Variants in LY96 observed in about 807,000 individuals in gnomAD.
LY96 encodes lymphocyte antigen 96.
In LY96, 18 loss-of-function variants were observed where a neutral mutation model predicts 18.9. That is an observed-to-expected ratio of 0.95 (90% CI 0.66 to 1.41). The LOEUF (loss-of-function observed/expected upper bound fraction) is 1.41, where lower values mean the gene tolerates loss of function less well. Among genes scored for constraint, LY96 ranks in the 40% most tolerant of loss-of-function variants. The pLI is 0.00. For missense variants in LY96, 175 were observed against 182.4 expected (o/e 0.96, Z 0.23); for synonymous variants, 66 against 62.6 (o/e 1.06, Z -0.26).
In LY96 at chr8:74,002,071, CT is replaced by C. The variant is rs1563710835; in HGVS notation, c.113-2723del. Among the ~76,000 whole-genome samples, 4 of 31,518 alleles carry C rather than the reference CT, an allele frequency of 1.3e-4. 1 individual carries two copies. Among genetic ancestry groups the C allele is most frequent in the African/African-American group, 6.7e-4 (3 of 4,456 alleles). 20.7% of individuals were successfully genotyped at this position (31,518 alleles called of 152,430 possible). A position where few individuals can be genotyped will look rare whatever the true frequency, so the allele number is the denominator to read the frequency against. On this transcript the variant is annotated intron_variant, in intron 1 of 4. Transcript: ENST00000284818. ...CCTTCCTTCCTTCCTTCCTTCCTTC[CT>C]TCCTTTCTTTCTTTCTTTCTTTCTC...
intron 3 of LY96, among the ~76,000 whole-genome samples, chr8:74,012,323 G>T (rs896108811): frequency 6.6e-6 from 1 of 152,066 alleles, no homozygotes; most frequent in Non-Finnish European, 1.5e-5. Context: ...ATAAAATGTG[G>T]TATATTTACA....
the LY96 span, among the ~76,000 whole-genome samples, chr8:74,098,456 AC>A: frequency 3.9e-5 from 6 of 151,928 alleles, no homozygotes; most frequent in Non-Finnish European, 7.4e-5. Context: ...GCTCAGTGCA[AC>A]CTCCGCCTCC....
the LY96 span, among the ~76,000 whole-genome samples, chr8:74,073,725 G>A: frequency 0.03 from 4,608 of 151,896 alleles, 228 homozygotes; most frequent in African/African-American, 0.1. Flanking sequence ...GTACGGTGGC[G>A]CAATCTCAGC....
chr8:74,002,066 CCTTCCTTCCTTT>C lies in LY96; in HGVS notation c.113-2726_113-2715del, dbSNP rs1204512391. ...TCCTTCCTTCCTTCCTTCCTTCCTTCCTTCCTTCCTTTCTTTCTTTCTTTCTTTCTCTCTCTC... is the reference window on the plus strand; with the variant it reads ...TCCTTCCTTCCTTCCTTCCTTCCTTCCTTTCTTTCTTTCTTTCTCTCTCTC... On this transcript the variant is annotated intron_variant, in intron 1 of 4. Coordinates refer to ENST00000284818, the MANE Select transcript of LY96 (RefSeq NM_015364.5). Among the ~76,000 whole-genome samples, 28 of 22,536 alleles carry C rather than the reference CCTTCCTTCCTTT, an allele frequency of 1.2e-3. 4 individuals are homozygous for C. The highest frequency in any genetic ancestry group is 2.3e-3 in the African/African-American group (11 of 4,880). 14.8% of individuals were successfully genotyped at this position (22,536 alleles called of 152,430 possible).
downstream of LY96, among the ~76,000 whole-genome samples, chr8:74,033,464 G>A (rs759156931): frequency 2.6e-5 from 4 of 152,218 alleles, no homozygotes; most frequent in Admixed American, 1.3e-4. Context: ...CCAACCCCCT[G>A]CTGGGGGCCC....
chr8:74,081,028 TTCTTTC>T, the LY96 span, among the ~76,000 whole-genome samples: 1 of 129,952 alleles, frequency 7.7e-6, no homozygotes, highest in Non-Finnish European at 1.6e-5. Context: ...CTTTCTTTCT[TTCTTTC>T]TTTCTTTCTT....
chr8:74,016,841 G>T (rs1357615225), intron 3 of LY96, among the ~76,000 whole-genome samples: 1 of 152,180 alleles, frequency 6.6e-6, no homozygotes, highest in East Asian at 1.9e-4. Context: ...CTAACAAACA[G>T]AAAGGAAGAG....
intron 2 of LY96, 106 bp from the exon 3 acceptor site, chr8:74,009,895 A>T: frequency 1.3e-6 from 1 of 786,634 alleles, no homozygotes; most frequent in Non-Finnish European, 2.2e-6. Context: ...TAAATGAAAT[A>T]ATGTAAGAAA....
rs530444186 is a variant in LY96 at position 74,012,437 on chromosome 8, A to G, written c.331+2308A>G. 1.2e-4 allele frequency among the ~76,000 whole-genome samples: 18 copies of G among 152,362 alleles called. No individual in the cohort carries two copies. In the South Asian group the frequency reaches 2.7e-3, roughly 23 times the overall value. On this transcript the variant is annotated intron_variant, in intron 3 of 4. Coordinates refer to ENST00000284818, the MANE Select transcript of LY96 (RefSeq NM_015364.5). ...CTTAACTGAAACAAACCAGGCACAG[A>G]AAGTCAAATATTGCATGTTCCCACT...
the LY96 span, among the ~76,000 whole-genome samples, chr8:74,079,802 G>A: frequency 6.6e-6 from 1 of 151,778 alleles, no homozygotes; most frequent in African/African-American, 2.4e-5. Flanking sequence ...CACCCGCTTT[G>A]GCTTCTAAAA....
chr8:74,026,761 C>T lies in LY96; in HGVS notation c.332-28C>T, dbSNP rs780037678. ...AATATCACCTAACCGTGACCAATAA[C>T]GTTTTGTATTTTATATTTTGTTTGC... is the stretch of plus-strand genomic sequence containing the variant. On this transcript the variant is annotated intron_variant, in intron 3 of 4. Transcript: ENST00000284818. 1.6e-5 allele frequency: 21 copies of T among 1,335,540 alleles called. 1 individual carries two copies. The highest frequency in any genetic ancestry group is 3.6e-4 in the Middle Eastern group (2 of 5,504). The allele number at this position is 1,335,540 out of a possible 1,614,324, so 82.7% of individuals were successfully genotyped here. A position where few individuals can be genotyped will look rare whatever the true frequency, so the allele number is the denominator to read the frequency against.
At position 73,991,517 on chromosome 8, in the gene LY96, C is replaced by T; in HGVS notation, c.75C>T (p.Cys25=). ...FTEAQKQYWV[C]NSSDASISYT... is the part of the protein sequence containing the mutation. ...AAGCTCAGAAGCAGTATTGGGTCTG[C>T]AACTCATCCGATGCAAGTATTTCAT... Residue 25 remains cysteine (C), a synonymous_variant, in exon 1 of 5, where the codon TGC becomes TGT. Transcript: ENST00000284818. 6.2e-7 allele frequency: 1 copy of T among 1,612,276 alleles called. No individual in the cohort carries two copies. The highest frequency in any genetic ancestry group is 8.5e-7 in the Non-Finnish European group (1 of 1,178,426).
the LY96 span, among the ~76,000 whole-genome samples, chr8:74,068,734 C>T: frequency 6.6e-6 from 1 of 152,176 alleles, no homozygotes; most frequent in South Asian, 2.1e-4. Flanking sequence ...GCAATATCTT[C>T]TCTTATGAAG....
At chr8:74,054,658 T>TTCTTTCTC in the LY96 span, among the ~76,000 whole-genome samples, 4 of 141,974 alleles carry the variant, frequency 2.8e-5, no homozygotes, top group Non-Finnish European at 4.5e-5. Context: ...CTTTCTTTCT[T>TTCTTTCTC]TCTTTCTTTC....
intron 1 of LY96, among the ~76,000 whole-genome samples, chr8:74,002,045 TCCTTCCTTCCTTCCTTCCTTCC>T (rs1816293028): frequency 2.8e-5 from 1 of 36,194 alleles, no homozygotes; most frequent in Admixed American, 3.5e-4. Context: ...CTTCCTTCCT[TCCTTCCTTCCTTCCTTCCTTCC>T]TTCCTTCCTT....
chr8:74,020,778 C>T (rs1816742163), intron 3 of LY96, among the ~76,000 whole-genome samples: 2 of 152,164 alleles, frequency 1.3e-5, no homozygotes, highest in Admixed American at 1.3e-4. Flanking sequence ...CATCTACAAT[C>T]ATTTGATCTT....
At chr8:74,098,378 T>G in the LY96 span, among the ~76,000 whole-genome samples, 2 of 152,094 alleles carry the variant, frequency 1.3e-5, no homozygotes, top group East Asian at 1.9e-4. Flanking sequence ...TATTCTGTCT[T>G]TTTATATTCT....
At chr8:74,009,894 T>C (rs1816494428) in intron 2 of LY96, 107 bp from the exon 3 acceptor site, 2 of 783,486 alleles carry the variant, frequency 2.6e-6, no homozygotes, top group Non-Finnish European at 4.4e-6. Context: ...TTAAATGAAA[T>C]AATGTAAGAA....
the LY96 span, among the ~76,000 whole-genome samples, chr8:74,095,367 T>C: frequency 6.6e-6 from 1 of 152,198 alleles, no homozygotes; most frequent in African/African-American, 2.4e-5. Context: ...CACAGATCTG[T>C]CCTTTAAGGG....
Sources: gnomAD v4.1 joint callset for allele counts (sites outside exome capture counted in the v4.1 genomes callset) on GRCh38, gnomAD v4.1.1 for gene constraint, MANE v1.5 for transcripts, NCBI Gene and HGNC (gene_info 2026-07-23, HGNC 2026-07-21) for gene names.